The following LLGL2 variants were observed in gnomAD, a reference collection of about 807,000 sequenced individuals.
LLGL2 encodes LLGL scribble cell polarity complex component 2.
LLGL2 carries 81 observed loss-of-function variants against 123.2 expected under a neutral mutation model. The observed-to-expected ratio is 0.66, with a 90% confidence interval of 0.55 to 0.79. The LOEUF is 0.79. Among genes scored for constraint, LLGL2 ranks in the 30% least tolerant of loss-of-function variants. LLGL2 has a pLI of 0.00. For missense variants in LLGL2, 1,273 were observed against 1,414.6 expected, an observed-to-expected ratio of 0.90 and a Z score of 1.61; for synonymous variants, 577 against 594.1, an observed-to-expected ratio of 0.97 and a Z score of 0.42.
In LLGL2 at chr17:75,570,478, C is replaced by G; in HGVS notation, c.2005C>G (p.Pro669Ala). 1 of 1,579,342 alleles carries G rather than the reference C, an allele frequency of 6.3e-7. No homozygotes were observed. Among genetic ancestry groups the G allele is most frequent in the South Asian group, 1.2e-5 (1 of 86,574 alleles). Residue 669 changes from proline (P) to alanine (A), a missense_variant, in exon 16 of 26, where the codon CCG becomes GCG. Transcript: ENST00000392550. ...CCGGGTGTCCAGCCGGAAGCGGCACCCGGCTGGCCCCCCAGGAGAGGTGAG... is the reference window on the plus strand; with the variant it reads ...CCGGGTGTCCAGCCGGAAGCGGCACGCGGCTGGCCCCCCAGGAGAGGTGAG... ...RSRVSSRKRH[P>A]AGPPGEAQEG...
In LLGL2 at chr17:75,568,825, C is replaced by G. The variant is rs199913582; in HGVS notation, c.1308C>G (p.Asp436Glu). The change falls in exon 12 of 26, where the codon GAC (aspartate) becomes GAG (glutamate). Residue 436 changes from aspartate (D) to glutamate (E), a missense_variant. Physicochemically the swap from Asp to Glu is conservative, Grantham distance 45. Coordinates refer to ENST00000392550, the MANE Select transcript of LLGL2 (RefSeq NM_001031803.2). Reference sequence around the variant, plus strand: ...TGACCCCAGCCCCACCCCAGAGGGACCTGCTGCTCACAGGGTAGGGTACTT... The same window carrying G: ...TGACCCCAGCCCCACCCCAGAGGGAGCTGCTGCTCACAGGGTAGGGTACTT... ...TSLTPAPPQR[D>E]LLLTGHEDGT... The G allele has an allele frequency of 5.7e-6, 9 of 1,591,146 alleles. No individual in the cohort carries two copies. Among genetic ancestry groups the G allele is most frequent in the Non-Finnish European group, 6.9e-6 (8 of 1,167,666 alleles).
In LLGL2 at chr17:75,569,947, C is replaced by A; in HGVS notation, c.1582-16C>A. Reference sequence around the variant, plus strand: ...CTTTGCTGAGGGCTTGCTGAGCCACCTGCCACCCTGCGCAGGTGCTGGTAC... The same window carrying A: ...CTTTGCTGAGGGCTTGCTGAGCCACATGCCACCCTGCGCAGGTGCTGGTAC... On this transcript the variant is annotated splice_polypyrimidine_tract_variant and intron_variant, in intron 14 of 25. Coordinates refer to ENST00000392550, the MANE Select transcript of LLGL2 (RefSeq NM_001031803.2). 1 of 1,565,938 alleles carries A rather than the reference C, an allele frequency of 6.4e-7. No homozygotes were observed. Among genetic ancestry groups the A allele is most frequent in the South Asian group, 1.2e-5 (1 of 84,728 alleles).
At chr17:75,570,804 G>T in intron 16 of LLGL2, 146 bp from the exon 17 acceptor site, 1 of 1,121,848 alleles carries the variant, frequency 8.9e-7, no homozygotes, top group Non-Finnish European at 1.3e-6. Flanking sequence ...CCTCCCTCTT[G>T]GACAAGGGTC....
chr17:75,574,607 C>A lies in LLGL2; in HGVS notation c.2997-3C>A, dbSNP rs2055889509. 6.2e-7 allele frequency: 1 copy of A among 1,612,246 alleles called. No individual in the cohort carries two copies. Among genetic ancestry groups the A allele is most frequent in the Non-Finnish European group, 8.5e-7 (1 of 1,179,586 alleles). On this transcript the variant is annotated splice_region_variant and splice_polypyrimidine_tract_variant and intron_variant, in intron 24 of 25. Transcript: ENST00000392550. ...CATGACTCCCCTGTCTTTGCCTGTG[C>A]AGGAGCGGCAACTGGCGTTCACATC...
Position 75,562,961 on chromosome 17 carries a change from G to A in LLGL2, c.531-55G>A. On this transcript the variant is annotated intron_variant, in intron 6 of 25. Coordinates refer to ENST00000392550, the MANE Select transcript of LLGL2 (RefSeq NM_001031803.2). ...GAGCCCCATGGCTGTGCCATGCTGG[G>A]GGCCATTCCCCCTGGTGGACGGCAT... 7.5e-6 allele frequency: 12 copies of A among 1,595,616 alleles called. No individual in the cohort carries two copies. In the South Asian group the frequency reaches 8.8e-5, roughly 12 times the overall value.
chr17:75,548,125 T>A (rs2054506175), intron 2 of LLGL2, among the ~76,000 whole-genome samples: 1 of 152,146 alleles, frequency 6.6e-6, no homozygotes, highest in Non-Finnish European at 1.5e-5. Flanking sequence ...GACCGGTAAG[T>A]ATAATGCAAA....
chr17:75,564,599 C>T lies in LLGL2; in HGVS notation c.1036+92C>T, dbSNP rs932643543. 6 of 1,566,170 alleles carry T rather than the reference C, an allele frequency of 3.8e-6. No homozygotes were observed. The African/African-American group carries it at 8.1e-5, about 21-fold the overall frequency. On this transcript the variant is annotated intron_variant, in intron 10 of 25. Coordinates refer to ENST00000392550, the MANE Select transcript of LLGL2 (RefSeq NM_001031803.2). The surrounding 1 kb of genome is among the most constrained non-coding windows in gnomAD (Gnocchi z 4.9). ...AAGACAGGGCCAGGTGCAGTGGCTC[C>T]TGCCTGTAACCCCAGTGCTGTGGGA...
At chr17:75,537,171 C>T (rs2054034967) in intron 1 of LLGL2, among the ~76,000 whole-genome samples, 1 of 152,160 alleles carries the variant, frequency 6.6e-6, no homozygotes, top group Non-Finnish European at 1.5e-5. Context: ...GGCCTGAGCA[C>T]ACTTCACCCA....
At position 75,573,477 on chromosome 17, in the gene LLGL2, C is replaced by T. The variant is rs756057349; in HGVS notation, c.2726-4C>T. 2.5e-6 allele frequency: 4 copies of T among 1,603,614 alleles called. No homozygotes were observed. The South Asian group carries it at 4.4e-5, about 18-fold the overall frequency. Reference sequence around the variant, plus strand: ...AGGCCGCTAGCATTGCCCCCACTCCCCAGGCTTCTACCTGATCTCACCCTC... The same window carrying T: ...AGGCCGCTAGCATTGCCCCCACTCCTCAGGCTTCTACCTGATCTCACCCTC... On this transcript the variant is annotated splice_polypyrimidine_tract_variant and splice_region_variant and intron_variant, in intron 20 of 25. Transcript: ENST00000392550.
At chr17:75,531,915 C>T (rs1341101830) in intron 1 of LLGL2, among the ~76,000 whole-genome samples, 1 of 152,136 alleles carries the variant, frequency 6.6e-6, no homozygotes, top group Non-Finnish European at 1.5e-5. Context: ...GGCTGCAAGG[C>T]ACCTGACTCT....
In LLGL2 at chr17:75,559,398, C is replaced by T. The variant is rs148746317; in HGVS notation, c.518C>T (p.Ala173Val). The change falls in exon 6 of 26, where the codon GCG becomes GTG. Residue 173 changes from alanine (A) to valine (V), a missense_variant. Physicochemically the swap from Ala to Val is moderately conservative, Grantham distance 64. Transcript: ENST00000392550. This position sits in a 1 kb window ranked among gnomAD's most constrained non-coding sequence, Gnocchi z 4.6. ...ALEDRTISSD[A>V]VLQRLPEEAR... ...GAGGACCGGACCATCAGCTCGGACG[C>T]GGTGCTGCAGCGGTGAGCCCAGAGC... 639 of 1,609,112 alleles carry T rather than the reference C, an allele frequency of 4.0e-4. 7 individuals are homozygous for T. In the South Asian group the frequency reaches 4.1e-3, roughly 10 times the overall value.
Position 75,558,457 on chromosome 17 carries a change from T to C in LLGL2, c.256-55T>C. ...ACTGGGGCTGCGTGGCCCCAGTGTG[T>C]AAAGGCCTTGCCTGGGTAGCAAGAC... On this transcript the variant is annotated intron_variant, in intron 4 of 25. Coordinates refer to ENST00000392550, the MANE Select transcript of LLGL2 (RefSeq NM_001031803.2). The surrounding 1 kb of genome is among the most constrained non-coding windows in gnomAD (Gnocchi z 4.0). 2 of 1,466,298 alleles carry C rather than the reference T, an allele frequency of 1.4e-6. No individual in the cohort carries two copies. Among genetic ancestry groups the C allele is most frequent in the Non-Finnish European group, 1.9e-6 (2 of 1,073,314 alleles). The allele number at this position is 1,466,298 out of a possible 1,614,324, so 90.8% of individuals were successfully genotyped here.
chr17:75,573,023 C>A lies in LLGL2; in HGVS notation c.2470C>A (p.Leu824Met). Residue 824 changes from leucine (L) to methionine (M), a missense_variant, in exon 20 of 26, where the codon CTG (leucine) becomes ATG (methionine). Physicochemically the swap from Leu to Met is conservative, Grantham distance 15 (BLOSUM62 2). Coordinates refer to ENST00000392550, the MANE Select transcript of LLGL2 (RefSeq NM_001031803.2). Reference sequence around the variant, plus strand: ...CACCCCACGCCCCCAGGTGTTCACGCTGCCCAAGGTGAGTGCCAAGCTGAA... The same window carrying A: ...CACCCCACGCCCCCAGGTGTTCACGATGCCCAAGGTGAGTGCCAAGCTGAA... ...VSEEQFKVFT[L>M]PKVSAKLKLK... 6.2e-7 allele frequency: 1 copy of A among 1,604,284 alleles called. No individual in the cohort carries two copies. The highest frequency in any genetic ancestry group is 8.5e-7 in the Non-Finnish European group (1 of 1,173,078).
chr17:75,574,011 CT>C, intron 22 of LLGL2, 31 bp downstream of exon 22: 1 of 1,550,574 alleles, frequency 6.4e-7, no homozygotes. Flanking sequence ...TCATGCACAC[CT>C]GGGCCACACC....
Position 75,568,844 on chromosome 17 carries a change from G to A in LLGL2, c.1322+5G>A, listed in dbSNP as rs902079576. ...GAGGGACCTGCTGCTCACAGGGTAG[G>A]GTACTTTGATGCTACCCCACCTCTT... On this transcript the variant is annotated splice_donor_5th_base_variant and intron_variant, in intron 12 of 25. Transcript: ENST00000392550. 6.3e-7 allele frequency: 1 copy of A among 1,575,556 alleles called. No homozygotes were observed. Among genetic ancestry groups the A allele is most frequent in the Non-Finnish European group, 8.6e-7 (1 of 1,158,652 alleles).
Position 75,570,197 on chromosome 17 carries a change from G to C in LLGL2, c.1816G>C (p.Gly606Arg). The change falls in exon 15 of 26, where the codon GGC (glycine) becomes CGC (arginine). Residue 606 changes from glycine to arginine, a missense_variant. Coordinates refer to ENST00000392550, the MANE Select transcript of LLGL2 (RefSeq NM_001031803.2). ...LHSEWRLVAF[G>R]TSHGFGLFDH... ...CTCTGAGTGGCGGCTCGTGGCCTTC[G>C]GCACCAGCCATGGCTTTGGCCTCTT... is the stretch of plus-strand genomic sequence containing the variant. The C allele has an allele frequency of 6.3e-7, 1 of 1,589,300 alleles. No individual in the cohort carries two copies. Among genetic ancestry groups the C allele is most frequent in the Non-Finnish European group, 8.5e-7 (1 of 1,170,472 alleles).
chr17:75,572,664 CA>C (rs71161230), intron 19 of LLGL2, among the ~76,000 whole-genome samples: 141 of 83,348 alleles, frequency 1.7e-3, no homozygotes, highest in Admixed American at 4.6e-3. Context: ...GATTCCGTCT[CA>C]AAAAAAAAAA....
chr17:75,537,689 T>TC (rs1818611716), intron 1 of LLGL2, among the ~76,000 whole-genome samples: 1 of 148,044 alleles, frequency 6.8e-6, no homozygotes, highest in African/African-American at 2.5e-5. Flanking sequence ...AGAGCGAGAC[T>TC]CCATCTCCAA....
At chr17:75,569,638 A>ATATTT (rs2147532081) in intron 14 of LLGL2, among the ~76,000 whole-genome samples, 1 of 152,254 alleles carries the variant, frequency 6.6e-6, no homozygotes, top group African/African-American at 2.4e-5. Context: ...CCCCATCTCT[A>ATATTT]CTAAAAATAT....
Sources: gnomAD v4.1 joint callset for allele counts (sites outside exome capture counted in the v4.1 genomes callset) on GRCh38, gnomAD v4.1.1 for gene constraint, Gnocchi (gnomAD v3.1) non-coding constraint, MANE v1.5 for transcripts, NCBI Gene and HGNC (gene_info 2026-07-23, HGNC 2026-07-21) for gene names.